NCOA1: variants seen among roughly 807,000 people sequenced by gnomAD.
The protein encoded by NCOA1 is nuclear receptor coactivator 1.
NCOA1 carries 35 observed loss-of-function variants against 150.9 expected under a neutral mutation model. The observed-to-expected ratio is 0.23, with a 90% confidence interval of 0.18 to 0.31. The LOEUF is 0.31. Among genes scored for constraint, NCOA1 ranks in the 10% least tolerant of loss-of-function variants. The pLI, the probability that NCOA1 is intolerant of heterozygous loss-of-function variation, is 1.00. For missense variants in NCOA1, 1,491 were observed against 1,749.3 expected, an observed-to-expected ratio of 0.85 and a Z score of 2.63; for synonymous variants, 590 against 630.0, an observed-to-expected ratio of 0.94 and a Z score of 0.95.
intron 3 of NCOA1, among the ~76,000 whole-genome samples, chr2:24,616,983 C>T (rs1407623184): frequency 6.6e-6 from 1 of 152,118 alleles, no homozygotes; most frequent in Non-Finnish European, 1.5e-5. Context: ...GATGACAAAT[C>T]TTAGTATACT....
chr2:24,589,251 ACTGT>A (rs1667544378), intron 3 of NCOA1, among the ~76,000 whole-genome samples: 1 of 152,036 alleles, frequency 6.6e-6, no homozygotes. Flanking sequence ...TACTACCAGA[ACTGT>A]CTGAGACCTG....
At chr2:24,738,992 T>C (rs1359774339) in intron 17 of NCOA1, among the ~76,000 whole-genome samples, 1 of 152,178 alleles carries the variant, frequency 6.6e-6, no homozygotes, top group Non-Finnish European at 1.5e-5. Flanking sequence ...TCCAGCTTGC[T>C]CAACTTTCCC....
At chr2:24,514,762 G>A (rs867474021) in intron 1 of NCOA1, among the ~76,000 whole-genome samples, 31 of 151,902 alleles carry the variant, frequency 2.0e-4, no homozygotes, top group African/African-American at 7.0e-4. Context: ...TGGGTGACAG[G>A]GCAGAGTGTC....
At chr2:24,669,951 A>G (rs991212956) in intron 6 of NCOA1, among the ~76,000 whole-genome samples, 4 of 152,176 alleles carry the variant, frequency 2.6e-5, no homozygotes, top group Admixed American at 1.3e-4. Flanking sequence ...CAGCCTGGAC[A>G]ACATAGCAAG....
intron 22 of NCOA1, among the ~76,000 whole-genome samples, chr2:24,767,200 C>G (rs1487045975): frequency 6.6e-6 from 1 of 152,106 alleles, no homozygotes; most frequent in Admixed American, 6.5e-5. Context: ...TTTTAAAAAG[C>G]TGAGTGTAAT....
intron 3 of NCOA1, among the ~76,000 whole-genome samples, chr2:24,638,129 C>G (rs1416003475): frequency 1.3e-5 from 2 of 151,448 alleles, no homozygotes; most frequent in Non-Finnish European, 2.9e-5. Flanking sequence ...TTCCCCCTAC[C>G]CTTCCCAGCC....
chr2:24,505,643 C>T (rs1663661713), intron 1 of NCOA1, among the ~76,000 whole-genome samples: 1 of 151,966 alleles, frequency 6.6e-6, no homozygotes, highest in South Asian at 2.1e-4. Flanking sequence ...AGTAAACACC[C>T]CTCCCCCCAT....
intron 20 of NCOA1, among the ~76,000 whole-genome samples, chr2:24,757,699 A>T (rs1169478214): frequency 6.6e-6 from 1 of 152,152 alleles, no homozygotes; most frequent in Non-Finnish European, 1.5e-5. Context: ...TTACATGGAA[A>T]ACTTCCTTTC....
chr2:24,648,640 G>T (rs1264944341), intron 4 of NCOA1, among the ~76,000 whole-genome samples: 1 of 152,062 alleles, frequency 6.6e-6, no homozygotes, highest in Non-Finnish European at 1.5e-5. Context: ...TTAACCGGAG[G>T]TTTGTCTGAC....
At chr2:24,613,889 T>A (rs1668749593) in intron 3 of NCOA1, among the ~76,000 whole-genome samples, 1 of 152,068 alleles carries the variant, frequency 6.6e-6, no homozygotes, top group Non-Finnish European at 1.5e-5. Context: ...GACTTTTGAG[T>A]TTTAGGAGTA....
rs942145000 is a variant in NCOA1, at chr2:24,642,037, T to TGTGTGTGTGTGTGTGTGCGC, written c.-174-1928_-174-1927insTGTGTGTGTGTGTGTGCGCG. Among the ~76,000 whole-genome samples the TGTGTGTGTGTGTGTGTGCGC allele has an allele frequency of 6.9e-3, 957 of 138,496 alleles. 6 individuals carry two copies. The highest frequency in any genetic ancestry group is 0.013 in the East Asian group (45 of 3,554). 90.9% of individuals were successfully genotyped at this position (138,496 alleles called of 152,430 possible). ...GTGTGTGTGTGTGTGTGTGTGTGTG[T>TGTGTGTGTGTGTGTGTGCGC]GCGCGCGTGCGTATGTGTGTGTGTA... On this transcript the variant is annotated intron_variant, in intron 3 of 22. Coordinates refer to ENST00000348332, the MANE Select transcript of NCOA1 (RefSeq NM_003743.5).
chr2:24,596,221 A>C (rs1667879519), intron 3 of NCOA1, among the ~76,000 whole-genome samples: 1 of 152,210 alleles, frequency 6.6e-6, no homozygotes, highest in Admixed American at 6.5e-5. Context: ...GGCTGGCTAC[A>C]CCAAGATTCT....
intron 4 of NCOA1, among the ~76,000 whole-genome samples, chr2:24,657,173 A>G (rs1337256472): frequency 6.6e-6 from 1 of 152,186 alleles, no homozygotes; most frequent in Non-Finnish European, 1.5e-5. Context: ...AGGCAAATCT[A>G]GTTGACTCCT....
chr2:24,643,260 G>A (rs191049881), intron 3 of NCOA1, among the ~76,000 whole-genome samples: 7 of 152,298 alleles, frequency 4.6e-5, no homozygotes, highest in African/African-American at 1.7e-4. Context: ...CTGCACTTAA[G>A]TGGGAGTACT....
intron 8 of NCOA1, among the ~76,000 whole-genome samples, chr2:24,685,161 AT>A (rs1309773782): frequency 2.0e-5 from 3 of 152,076 alleles, no homozygotes; most frequent in Non-Finnish European, 2.9e-5. Context: ...CTGCCTTCTT[AT>A]TTTTTGATTT....
At chr2:24,674,449 G>C (rs1233193666) in intron 7 of NCOA1, among the ~76,000 whole-genome samples, 1 of 151,930 alleles carries the variant, frequency 6.6e-6, no homozygotes, top group African/African-American at 2.4e-5. Flanking sequence ...GTCGTGATCC[G>C]CCCACCTCGG....
rs1168526717 is a variant in NCOA1, at chr2:24,669,973, A to G, written c.257-3393A>G. On this transcript the variant is annotated intron_variant, in intron 6 of 22. Transcript: ENST00000348332. The stretch of plus-strand genomic sequence containing the variant: ...GACAACATAGCAAGACCCTCTGTCT[A>G]CAAAAAAATAAAAAATTACCCAGGC... Among the ~76,000 whole-genome samples, 3 of 152,326 alleles carry G rather than the reference A, an allele frequency of 2.0e-5. No homozygotes were observed. The East Asian group carries it at 5.8e-4, about 29-fold the overall frequency.
Position 24,711,017 on chromosome 2 carries a change from G to A in NCOA1, c.2505G>A (p.Arg835=). ...TGCCAGGCTTATGTGAGACAGACAG[G>A]ATGGATGGTGCGGTCACCAGTGTAA... The part of the protein sequence containing the change: ...AQLPGLCETD[R]MDGAVTSVTI... Residue 835 remains arginine, a synonymous_variant, in exon 14 of 23, where the codon AGG becomes AGA. Transcript: ENST00000348332. 6.2e-7 allele frequency: 1 copy of A among 1,614,180 alleles called. No individual in the cohort carries two copies. The highest frequency in any genetic ancestry group is 1.3e-5 in the African/African-American group (1 of 75,038).
intron 1 of NCOA1, among the ~76,000 whole-genome samples, chr2:24,549,079 G>A (rs552475275): frequency 3.9e-5 from 6 of 152,150 alleles, no homozygotes; most frequent in Admixed American, 2.0e-4. Context: ...TGAGAGCCCC[G>A]CCCCTGCAAC....
Sources: allele counts gnomAD v4.1 joint callset (sites outside exome capture counted in the v4.1 genomes callset), GRCh38; gene constraint gnomAD v4.1.1; transcripts MANE v1.5; gene names NCBI Gene and HGNC (gene_info 2026-07-23, HGNC 2026-07-21).